FRMD4A: variants seen among roughly 807,000 people sequenced by gnomAD.
FRMD4A encodes the protein FERM domain-containing protein 4A.
A neutral mutation model predicts 129.1 loss-of-function variants in FRMD4A; 29 were observed. The observed-to-expected ratio is 0.22, with a 90% CI of 0.17 to 0.31. The LOEUF (loss-of-function observed/expected upper bound fraction) is 0.31, where lower values mean the gene tolerates loss of function less well. Among genes scored for constraint, FRMD4A ranks in the 10% least tolerant of loss-of-function variants. The pLI is 1.00. For synonymous variants in FRMD4A, 634 were observed against 571.6 expected (o/e 1.11, Z -1.56); for missense variants, 1,272 against 1,375.8 (o/e 0.92, Z 1.19).
chr10:13,749,201 G>C (rs868780762), intron 8 of FRMD4A, among the ~76,000 whole-genome samples: 1 of 152,184 alleles, frequency 6.6e-6, no homozygotes, highest in Non-Finnish European at 1.5e-5. Context: ...GGTTGCAAAG[G>C]CACATGTAGG....
chr10:13,665,907 T>C (rs958715254), intron 18 of FRMD4A, among the ~76,000 whole-genome samples, 190 bp downstream of exon 18: 1 of 152,260 alleles, frequency 6.6e-6, no homozygotes, highest in Non-Finnish European at 1.5e-5. Context: ...CCTTCATCTG[T>C]GTCTGAGTCC....
intron 3 of FRMD4A, among the ~76,000 whole-genome samples, chr10:13,815,231 G>T (rs182999900): frequency 2.0e-5 from 3 of 152,098 alleles, no homozygotes; most frequent in African/African-American, 7.2e-5. Context: ...ATATTATTTC[G>T]CCCTAAAAAG....
At chr10:13,879,172 GA>G (rs919693624) in intron 2 of FRMD4A, among the ~76,000 whole-genome samples, 1 of 152,036 alleles carries the variant, frequency 6.6e-6, no homozygotes, top group African/African-American at 2.4e-5. Flanking sequence ...GCCAAGGCTG[GA>G]GGATTGCTTG....
intron 2 of FRMD4A, among the ~76,000 whole-genome samples, chr10:14,196,509 A>G (rs1331994771): frequency 3.3e-5 from 5 of 152,240 alleles, no homozygotes; most frequent in African/African-American, 1.2e-4. Flanking sequence ...GAAGGCTTTG[A>G]TTTTACACAA....
chr10:14,246,470 AAC>A (rs1423557277), intron 2 of FRMD4A, among the ~76,000 whole-genome samples: 5 of 151,840 alleles, frequency 3.3e-5, no homozygotes, highest in African/African-American at 1.2e-4. Flanking sequence ...GGCACACACA[AAC>A]ACACATACAT....
rs557604684 is a variant in FRMD4A at position 13,863,658 on chromosome 10, C to CA, written c.46-4747dup. On this transcript the variant is annotated intron_variant, in intron 2 of 24. Coordinates refer to ENST00000357447, the MANE Select transcript of FRMD4A (RefSeq NM_018027.5). ...ATGCACGTGGACAGGGATTAAGAGG[C>CA]AAAAAAATATATATATAGGAGTAGA... is the stretch of plus-strand genomic sequence containing the variant. Among the ~76,000 whole-genome samples the CA allele has an allele frequency of 5.1e-3, 763 of 151,058 alleles. 2 individuals carry two copies. The highest frequency in any genetic ancestry group is 0.018 in the African/African-American group (728 of 41,148).
At chr10:14,296,148 G>A (rs567703509) in intron 2 of FRMD4A, among the ~76,000 whole-genome samples, 125 of 152,218 alleles carry the variant, frequency 8.2e-4, no homozygotes, top group African/African-American at 2.9e-3. Flanking sequence ...AGAGCCAAGG[G>A]AGACTGGGTG....
chr10:14,059,449 T>G (rs1014569103), intron 2 of FRMD4A, among the ~76,000 whole-genome samples: 18 of 146,640 alleles, frequency 1.2e-4, no homozygotes, highest in African/African-American at 4.0e-4. Flanking sequence ...CAAGAAGAGA[T>G]GTCAGAGAGC....
intron 2 of FRMD4A, among the ~76,000 whole-genome samples, chr10:13,890,230 A>C (rs11258710): frequency 0.44 from 66,880 of 152,142 alleles, 15,428 homozygotes; most frequent in Non-Finnish European, 0.53. Context: ...ACCAAAAACA[A>C]AACAATGAAA....
At chr10:14,094,928 C>T (rs1281405789) in intron 2 of FRMD4A, among the ~76,000 whole-genome samples, 1 of 151,968 alleles carries the variant, frequency 6.6e-6, no homozygotes, top group African/African-American at 2.4e-5. Flanking sequence ...CTTGTGTGTG[C>T]CCATGTGTAT....
At chr10:14,161,733 A>C (rs1177958587) in intron 2 of FRMD4A, among the ~76,000 whole-genome samples, 2 of 152,178 alleles carry the variant, frequency 1.3e-5, no homozygotes, top group East Asian at 3.9e-4. Context: ...TAGAAGAAAT[A>C]AGTTCTACTG....
At chr10:13,655,289 T>C (rs1236152874) in intron 22 of FRMD4A, 1 of 152,184 alleles carries the variant, frequency 6.6e-6, no homozygotes, top group Non-Finnish European at 1.5e-5. Context: ...ATAAAGCAAA[T>C]CTACTAGACC....
chr10:14,242,164 G>T (rs940121128), intron 2 of FRMD4A, among the ~76,000 whole-genome samples: 2 of 152,162 alleles, frequency 1.3e-5, no homozygotes, highest in Non-Finnish European at 2.9e-5. Context: ...AGAGAAAAGG[G>T]TTAGCCAATT....
intron 15 of FRMD4A, among the ~76,000 whole-genome samples, chr10:13,688,772 G>A (rs533015184): frequency 3.5e-4 from 53 of 152,134 alleles, no homozygotes; most frequent in Admixed American, 3.3e-4. Flanking sequence ...GGAATGCAGT[G>A]GTGTAATTTC....
chr10:13,939,021 C>T (rs2095270409), intron 2 of FRMD4A, among the ~76,000 whole-genome samples: 1 of 152,204 alleles, frequency 6.6e-6, no homozygotes, highest in Non-Finnish European at 1.5e-5. Context: ...ATAGCACCAT[C>T]CTCCCCACCC....
chr10:13,948,076 C>T (rs1012742269), intron 2 of FRMD4A, among the ~76,000 whole-genome samples: 1 of 150,978 alleles, frequency 6.6e-6, no homozygotes, highest in Non-Finnish European at 1.5e-5. Context: ...AACACCTTAT[C>T]AGTGTGTTCC....
intron 2 of FRMD4A, among the ~76,000 whole-genome samples, chr10:14,049,596 G>T (rs771813196): frequency 5.3e-5 from 8 of 152,204 alleles, no homozygotes; most frequent in Non-Finnish European, 1.0e-4. Context: ...ATCCGTTTCA[G>T]AGTTGAGTCT....
chr10:14,211,723 C>T (rs748992960), intron 2 of FRMD4A, among the ~76,000 whole-genome samples: 11 of 152,146 alleles, frequency 7.2e-5, no homozygotes, highest in African/African-American at 1.2e-4. Flanking sequence ...TGTATTTCAA[C>T]GTTCCAAAGT....
intron 2 of FRMD4A, among the ~76,000 whole-genome samples, chr10:13,971,242 A>G (rs1232680170): frequency 6.6e-6 from 1 of 152,240 alleles, no homozygotes; most frequent in Non-Finnish European, 1.5e-5. Context: ...CCATTGTGAG[A>G]GGAGCGTGGA....
Sources: gnomAD v4.1 joint callset for allele counts (sites outside exome capture counted in the v4.1 genomes callset) on GRCh38, gnomAD v4.1.1 for gene constraint, MANE v1.5 for transcripts, NCBI Gene and HGNC (gene_info 2026-07-23, HGNC 2026-07-21) for gene names.